The following GARIN1B variants were observed in gnomAD, a reference collection of about 807,000 sequenced individuals.
GARIN1B encodes the protein Golgi-associated RAB2 interactor protein 1B.
the GARIN1B span, among the ~76,000 whole-genome samples, chr7:128,724,220 A>C: frequency 5.9e-5 from 9 of 152,172 alleles, no homozygotes; most frequent in Admixed American, 1.3e-4. Context: ...CATGCTGGCC[A>C]GGCTGGTCTC....
At chr7:128,715,002 A>G in the GARIN1B span, among the ~76,000 whole-genome samples, 1 of 152,150 alleles carries the variant, frequency 6.6e-6, no homozygotes, top group Non-Finnish European at 1.5e-5. Flanking sequence ...CATGCTGCAA[A>G]GCTTAGGAAG....
At chr7:128,716,921 G>A in the GARIN1B span, 1 of 1,613,974 alleles carries the variant, frequency 6.2e-7, no homozygotes, top group South Asian at 1.1e-5. Flanking sequence ...CCTACTCATG[G>A]CCAGTGTCAA....
chr7:128,717,313 C>T, the GARIN1B span, among the ~76,000 whole-genome samples: 1 of 152,132 alleles, frequency 6.6e-6, no homozygotes, highest in African/African-American at 2.4e-5. Context: ...GTGAGTCTGG[C>T]AGATGGAGCA....
chr7:128,709,750 C>CTCTCTGTCTTT, the GARIN1B span, among the ~76,000 whole-genome samples: 2 of 114,618 alleles, frequency 1.7e-5, no homozygotes, highest in African/African-American at 6.9e-5. Context: ...CTCTCTCTCT[C>CTCTCTGTCTTT]TTTTTTTTTT....
At chr7:128,713,035 G>A in the GARIN1B span, among the ~76,000 whole-genome samples, 1 of 152,210 alleles carries the variant, frequency 6.6e-6, no homozygotes, top group African/African-American at 2.4e-5. Context: ...GCCGGGCATG[G>A]TGGCTCAGGC....
the GARIN1B span, chr7:128,718,928 C>T: frequency 6.2e-7 from 1 of 1,614,090 alleles, no homozygotes; most frequent in Non-Finnish European, 8.5e-7. Flanking sequence ...TTACCTAAAG[C>T]TCCATCCTGA....
the GARIN1B span, among the ~76,000 whole-genome samples, chr7:128,722,369 G>A: frequency 4.2e-3 from 635 of 152,172 alleles, 6 homozygotes; most frequent in African/African-American, 0.015. Context: ...CAATAAATAC[G>A]GAATGAATGA....
the GARIN1B span, among the ~76,000 whole-genome samples, chr7:128,721,955 G>A: frequency 6.6e-6 from 1 of 151,934 alleles, no homozygotes; most frequent in Non-Finnish European, 1.5e-5. Flanking sequence ...GATAAAATCT[G>A]CCTGGTCACG....
At chr7:128,720,442 C>T in the GARIN1B span, among the ~76,000 whole-genome samples, 7 of 152,246 alleles carry the variant, frequency 4.6e-5, no homozygotes, top group East Asian at 3.9e-4. Context: ...TCAAGTGATC[C>T]GCCTGCCTCA....
At chr7:128,723,327 C>T in the GARIN1B span, 3 of 1,609,802 alleles carry the variant, frequency 1.9e-6, no homozygotes, top group African/African-American at 1.3e-5. Context: ...AGGTACATGA[C>T]TTAAATCAAG....
the GARIN1B span, among the ~76,000 whole-genome samples, chr7:128,715,006 T>G: frequency 3.3e-5 from 5 of 152,086 alleles, no homozygotes; most frequent in African/African-American, 1.2e-4. Flanking sequence ...CTGCAAAGCT[T>G]AGGAAGATGG....
At chr7:128,726,675 C>T in the GARIN1B span, 1 of 246,480 alleles carries the variant, frequency 4.1e-6, no homozygotes, top group Non-Finnish European at 6.4e-6. Context: ...ATGCGTCACA[C>T]CCATCCAATA....
At chr7:128,729,172 G>A in the GARIN1B span, among the ~76,000 whole-genome samples, 3 of 152,116 alleles carry the variant, frequency 2.0e-5, no homozygotes, top group Admixed American at 6.6e-5. Flanking sequence ...CTCATTCGGC[G>A]AGGGAGTGTA....
At chr7:128,715,797 G>T in the GARIN1B span, 1 of 1,026,258 alleles carries the variant, frequency 9.7e-7, no homozygotes, top group South Asian at 1.5e-5. Flanking sequence ...GAGAATTGAG[G>T]CAAGGAGAAG....
the GARIN1B span, chr7:128,726,691 A>C: frequency 1.8e-5 from 11 of 603,114 alleles, no homozygotes; most frequent in Non-Finnish European, 2.3e-5. Context: ...CAATATAGCC[A>C]CAGCTGGCCT....
the GARIN1B span, chr7:128,724,873 A>G: frequency 1.6e-6 from 2 of 1,286,662 alleles, no homozygotes; most frequent in African/African-American, 3.0e-5. Context: ...AAGCGCTTAT[A>G]GCAACGAAGA....
the GARIN1B span, among the ~76,000 whole-genome samples, chr7:128,730,616 G>A: frequency 2.6e-5 from 4 of 151,590 alleles, no homozygotes; most frequent in Non-Finnish European, 5.9e-5. Context: ...GGTGATTTCT[G>A]TTTTCTAAAG....
the GARIN1B span, among the ~76,000 whole-genome samples, chr7:128,725,900 T>A: frequency 6.6e-6 from 1 of 152,128 alleles, no homozygotes; most frequent in Non-Finnish European, 1.5e-5. Context: ...GCTTTTAATA[T>A]TTCTAGAAGT....
the GARIN1B span, among the ~76,000 whole-genome samples, chr7:128,711,456 C>T: frequency 6.6e-6 from 1 of 151,878 alleles, no homozygotes; most frequent in African/African-American, 2.4e-5. Context: ...AGGGAACATG[C>T]TTGGTCCTGT....
Sources: gnomAD v4.1 joint callset for allele counts (sites outside exome capture counted in the v4.1 genomes callset) on GRCh38, gnomAD v4.1.1 for gene constraint, MANE v1.5 for transcripts, NCBI Gene and HGNC (gene_info 2026-07-23, HGNC 2026-07-21) for gene names.